Variants in NEDD1 observed in about 807,000 individuals in gnomAD.
The protein encoded by NEDD1 is protein NEDD1.
A neutral mutation model predicts 74.0 loss-of-function variants in NEDD1; 33 were observed. The ratio of observed to expected loss-of-function variants is 0.45; its 90% confidence interval spans 0.34 to 0.60. The LOEUF (loss-of-function observed/expected upper bound fraction) is 0.60, where lower values mean the gene tolerates loss of function less well. NEDD1 is among the 20% of genes least tolerant of loss of function. NEDD1 has a pLI of 0.01. For synonymous variants in NEDD1, 250 were observed against 264.4 expected (o/e 0.95, Z 0.53); for missense variants, 746 against 776.5 (o/e 0.96, Z 0.47).
intron 9 of NEDD1, among the ~76,000 whole-genome samples, chr12:96,937,619 C>G (rs1246501907): frequency 2.6e-5 from 4 of 151,952 alleles, no homozygotes; most frequent in Non-Finnish European, 5.9e-5. Context: ...CTAAACTTCT[C>G]TTGTGAGAAA....
At chr12:96,921,034 T>C (rs1271084126) in intron 6 of NEDD1, among the ~76,000 whole-genome samples, 2 of 152,166 alleles carry the variant, frequency 1.3e-5, no homozygotes, top group Non-Finnish European at 2.9e-5. Context: ...GAGAAGACTA[T>C]CTGGGAATAA....
At chr12:96,913,275 G>A (rs532342679) in intron 4 of NEDD1, among the ~76,000 whole-genome samples, 5 of 152,102 alleles carry the variant, frequency 3.3e-5, no homozygotes, top group Admixed American at 3.3e-4. Flanking sequence ...GCCTGTCTGA[G>A]CCTCCCCCAT....
At chr12:96,950,895 A>G (rs1164869845) in intron 14 of NEDD1, among the ~76,000 whole-genome samples, 2 of 151,862 alleles carry the variant, frequency 1.3e-5, no homozygotes, top group African/African-American at 4.8e-5. Context: ...GCATGAATTA[A>G]TTGTATTTTA....
rs1208297079 is a variant in NEDD1, at chr12:96,907,835, GC to G, written c.-29del. 5 of 1,421,202 alleles carry G rather than the reference GC, an allele frequency of 3.5e-6. No individual in the cohort carries two copies. The highest frequency in any genetic ancestry group is 2.7e-5 in the Admixed American group (1 of 37,302). The allele number at this position is 1,421,202 out of a possible 1,614,324, so 88.0% of individuals were successfully genotyped here. Reference sequence around the variant, plus strand: ...ACTCATGTAAAGTCTCTCCCTTAATGCTCAGTTCTTAGAAGACCGAGGTAGG... The same window carrying G: ...ACTCATGTAAAGTCTCTCCCTTAATGTCAGTTCTTAGAAGACCGAGGTAGG... On this transcript the variant is annotated 5_prime_UTR_variant, in exon 2 of 16. It removes the in-frame stop codon of an upstream open reading frame in the 5' UTR. Transcript: ENST00000266742.
chr12:96,945,040 A>G (rs778627625), intron 13 of NEDD1, among the ~76,000 whole-genome samples: 3 of 151,866 alleles, frequency 2.0e-5, no homozygotes, highest in Non-Finnish European at 4.4e-5. Context: ...TGTGTCTTTA[A>G]TATGGTAGAG....
At chr12:96,923,788 TTGTG>T (rs10528785) in intron 6 of NEDD1, among the ~76,000 whole-genome samples, 2,147 of 142,336 alleles carry the variant, frequency 0.015, 31 homozygotes, top group African/African-American at 0.039. Flanking sequence ...TAATACCTGT[TTGTG>T]TGTGTGTGTG....
chr12:96,931,670 T>A (rs931458944), intron 6 of NEDD1, among the ~76,000 whole-genome samples: 1 of 152,174 alleles, frequency 6.6e-6, no homozygotes, highest in African/African-American at 2.4e-5. Context: ...TGATATTATT[T>A]AGGTAAATTA....
intron 6 of NEDD1, among the ~76,000 whole-genome samples, chr12:96,922,732 A>T (rs537773670): frequency 6.6e-6 from 1 of 152,304 alleles, no homozygotes; most frequent in African/African-American, 2.4e-5. Context: ...ACATTGGTGT[A>T]ACTACTAACA....
intron 9 of NEDD1, among the ~76,000 whole-genome samples, chr12:96,937,682 C>T (rs767099119): frequency 6.6e-6 from 1 of 152,090 alleles, no homozygotes; most frequent in African/African-American, 2.4e-5. Context: ...ATCCTTAATA[C>T]TACTAAAGAC....
At position 96,936,357 on chromosome 12, in the gene NEDD1, G is replaced by C. The variant is rs75051870; in HGVS notation, c.720-254G>C. ...AAAGAAATAGGTGCTGCTTCTATAA[G>C]ATGCAGAATGTACCTATTGGAAGTG... On this transcript the variant is annotated intron_variant, in intron 7 of 15. Transcript: ENST00000266742. 3.1e-3 allele frequency among the ~76,000 whole-genome samples: 465 copies of C among 150,728 alleles called. 5 individuals are homozygous for C. The highest frequency in any genetic ancestry group is 0.011 in the African/African-American group (456 of 40,928).
chr12:96,921,677 T>C (rs957985502), intron 6 of NEDD1, among the ~76,000 whole-genome samples: 2 of 151,918 alleles, frequency 1.3e-5, no homozygotes, highest in East Asian at 3.9e-4. Context: ...TTTTTTTCTT[T>C]CTTAGAGAGT....
At chr12:96,919,935 CTGT>C in intron 5 of NEDD1, 47 bp from the exon 6 acceptor site, 2 of 1,312,094 alleles carry the variant, frequency 1.5e-6, no homozygotes, top group Non-Finnish European at 2.1e-6. Flanking sequence ...TGAAAATGGG[CTGT>C]TCGAGGATTA....
chr12:96,929,607 G>GCA (rs1876141423), intron 6 of NEDD1, among the ~76,000 whole-genome samples: 1 of 83,202 alleles, frequency 1.2e-5, no homozygotes, highest in African/African-American at 4.5e-5. Context: ...ACACATATGT[G>GCA]TATATATATA....
chr12:96,923,911 CT>C (rs951626898), intron 6 of NEDD1, among the ~76,000 whole-genome samples: 2 of 151,304 alleles, frequency 1.3e-5, no homozygotes, highest in African/African-American at 4.9e-5. Context: ...ATATGTCAGT[CT>C]TTTCTTTTAT....
intron 6 of NEDD1, among the ~76,000 whole-genome samples, chr12:96,922,668 G>A (rs1024148101): frequency 8.5e-5 from 13 of 152,262 alleles, no homozygotes; most frequent in African/African-American, 2.4e-4. Context: ...ACAATAAAGT[G>A]CAGTGCATAT....
intron 14 of NEDD1, among the ~76,000 whole-genome samples, chr12:96,946,609 A>G (rs1009184376): frequency 6.6e-6 from 1 of 152,196 alleles, no homozygotes; most frequent in Non-Finnish European, 1.5e-5. Context: ...TAATTTTGGC[A>G]TTTACCCTAC....
intron 8 of NEDD1, 105 bp downstream of exon 8, chr12:96,936,917 T>C (rs1877163233): frequency 3.0e-6 from 2 of 672,292 alleles, no homozygotes; most frequent in African/African-American, 1.8e-5. Flanking sequence ...GTTTCATAAT[T>C]ACATAATGAT....
intron 14 of NEDD1, among the ~76,000 whole-genome samples, chr12:96,948,271 T>C (rs981351857): frequency 6.6e-6 from 1 of 152,194 alleles, no homozygotes; most frequent in African/African-American, 2.4e-5. Flanking sequence ...GAGCGCTGAA[T>C]GAAGGCTTGT....
intron 6 of NEDD1, among the ~76,000 whole-genome samples, chr12:96,927,931 G>A (rs189607377): frequency 1.3e-5 from 2 of 152,016 alleles, no homozygotes; most frequent in East Asian, 3.9e-4. Flanking sequence ...ATGTTTATAT[G>A]ATAACATTTC....
Sources: allele counts gnomAD v4.1 joint callset (sites outside exome capture counted in the v4.1 genomes callset), GRCh38; gene constraint gnomAD v4.1.1; transcripts MANE v1.5; gene names NCBI Gene and HGNC (gene_info 2026-07-23, HGNC 2026-07-21).